NRXN1: variants seen among roughly 807,000 people sequenced by gnomAD.
NRXN1 encodes neurexin-1.
A neutral mutation model predicts 150.9 loss-of-function variants in NRXN1; 39 were observed. The observed-to-expected ratio is 0.26, with a 90% CI of 0.20 to 0.34. The LOEUF is 0.34. Among genes scored for constraint, NRXN1 ranks in the 10% least tolerant of loss-of-function variants. The pLI is 1.00. For missense variants in NRXN1, 1,815 were observed against 1,949.9 expected, an observed-to-expected ratio of 0.93 and a Z score of 1.30; for synonymous variants, 924 against 757.0, an observed-to-expected ratio of 1.22 and a Z score of -3.62.
chr2:50,361,834 G>A (rs569503402), intron 17 of NRXN1, among the ~76,000 whole-genome samples: 74 of 152,148 alleles, frequency 4.9e-4, no homozygotes, highest in African/African-American at 1.7e-3. Context: ...GATGAACATC[G>A]ATGCGAAAAT....
intron 8 of NRXN1, among the ~76,000 whole-genome samples, chr2:50,607,588 A>G (rs1677343810): frequency 6.6e-6 from 1 of 152,182 alleles, no homozygotes; most frequent in Non-Finnish European, 1.5e-5. Flanking sequence ...AATCTTATAT[A>G]AACCATGGCC....
At chr2:50,712,295 C>A (rs776277682) in intron 5 of NRXN1, among the ~76,000 whole-genome samples, 1 of 151,940 alleles carries the variant, frequency 6.6e-6, no homozygotes, top group African/African-American at 2.4e-5. Flanking sequence ...GCTGTATCTC[C>A]GTATATCAAA....
At chr2:50,559,432 C>T (rs757614059) in intron 8 of NRXN1, among the ~76,000 whole-genome samples, 5 of 152,156 alleles carry the variant, frequency 3.3e-5, no homozygotes, top group African/African-American at 7.2e-5. Flanking sequence ...TTTTTAGACA[C>T]GTGCTATGGT....
At chr2:50,840,543 C>A (rs899827351) in intron 5 of NRXN1, among the ~76,000 whole-genome samples, 1 of 152,022 alleles carries the variant, frequency 6.6e-6, no homozygotes, top group Admixed American at 6.6e-5. Context: ...TCTCGGCTTG[C>A]CTGACAGACC....
intron 5 of NRXN1, chr2:50,656,522 T>C (rs1164157236): frequency 1.7e-6 from 1 of 602,054 alleles, no homozygotes. Context: ...GGGAAGTTAA[T>C]TTATCCCCTA....
intron 5 of NRXN1, among the ~76,000 whole-genome samples, chr2:50,772,910 T>A (rs910927203): frequency 5.9e-5 from 9 of 152,082 alleles, no homozygotes; most frequent in African/African-American, 2.2e-4. Context: ...CTCAATGCCC[T>A]ACAAAGAGAA....
In NRXN1 at chr2:50,472,429, G is replaced by T; in HGVS notation, c.3113C>A (p.Ser1038Tyr). The T allele has an allele frequency of 2.5e-6, 4 of 1,612,134 alleles. No homozygotes were observed. The South Asian group carries it at 4.4e-5, about 18-fold the overall frequency. The change falls in exon 16 of 23, where the codon TCC becomes TAC. Residue 1038 changes from serine (S) to tyrosine (Y), a missense_variant. Around this residue, in one of 6 missense-constraint regions of NRXN1, gnomAD observed 339 missense variants for 440.3 expected, o/e 0.77. Transcript: ENST00000401669. Reference sequence around the variant, plus strand: ...TTTGGCATGTACAAGTTTTGGTAAGGATTTGTATGTTTCTTTAGCTACTCC... The same window carrying T: ...TTTGGCATGTACAAGTTTTGGTAAGTATTTGTATGTTTCTTTAGCTACTCC... ...IGGVAKETYK[S>Y]LPKLVHAKEG...
chr2:50,479,739 T>C (rs1162965040), intron 15 of NRXN1, among the ~76,000 whole-genome samples: 1 of 151,464 alleles, frequency 6.6e-6, no homozygotes, highest in East Asian at 1.9e-4. Flanking sequence ...TTGTGGAAAA[T>C]TTTTCATCTA....
At chr2:50,753,510 T>C (rs950812217) in intron 5 of NRXN1, among the ~76,000 whole-genome samples, 1 of 151,866 alleles carries the variant, frequency 6.6e-6, no homozygotes, top group Non-Finnish European at 1.5e-5. Context: ...ATTTTCAGTA[T>C]GGAGTCTGGC....
At chr2:50,041,106 C>T (rs1440481004) in intron 21 of NRXN1, among the ~76,000 whole-genome samples, 1 of 152,052 alleles carries the variant, frequency 6.6e-6, no homozygotes, top group Non-Finnish European at 1.5e-5. Flanking sequence ...TCAAATAAGC[C>T]ACATAGCAAG....
intron 17 of NRXN1, among the ~76,000 whole-genome samples, chr2:50,304,793 T>C (rs942258066): frequency 6.6e-6 from 1 of 152,076 alleles, no homozygotes; most frequent in Non-Finnish European, 1.5e-5. Context: ...CCTCCATTAA[T>C]ATAAAGGTAC....
intron 13 of NRXN1, 69 bp from the exon 14 acceptor site, chr2:50,497,783 A>G: frequency 2.1e-6 from 3 of 1,414,426 alleles, no homozygotes; most frequent in Non-Finnish European, 2.9e-6. Flanking sequence ...GGCTTTCATA[A>G]CAATATCACA....
chr2:50,271,111 TAGTAA>T (rs1335513100), intron 17 of NRXN1, among the ~76,000 whole-genome samples: 2 of 152,144 alleles, frequency 1.3e-5, no homozygotes, highest in African/African-American at 4.8e-5. Context: ...ATAAGTAATA[TAGTAA>T]AGTAGTGTGA....
chr2:49,996,715 G>A (rs1683063746), intron 21 of NRXN1, among the ~76,000 whole-genome samples: 1 of 152,154 alleles, frequency 6.6e-6, no homozygotes, highest in South Asian at 2.1e-4. Flanking sequence ...AAATGAAAAA[G>A]ACAAGGTAAC....
At chr2:50,124,491 C>T (rs1450721099) in intron 18 of NRXN1, among the ~76,000 whole-genome samples, 1 of 151,970 alleles carries the variant, frequency 6.6e-6, no homozygotes, top group Non-Finnish European at 1.5e-5. Flanking sequence ...AGAACCAGAC[C>T]AAAATAATAG....
At chr2:50,648,383 G>C (rs1685123058) in intron 5 of NRXN1, among the ~76,000 whole-genome samples, 1 of 151,948 alleles carries the variant, frequency 6.6e-6, no homozygotes, top group Non-Finnish European at 1.5e-5. Context: ...TTTTAGCCAG[G>C]CTGACAAAAT....
At chr2:50,022,742 T>C (rs1687754243) in intron 21 of NRXN1, 1 of 152,232 alleles carries the variant, frequency 6.6e-6, no homozygotes, top group Non-Finnish European at 1.5e-5. Flanking sequence ...AGAGATGTTT[T>C]GTATTTAGTT....
intron 8 of NRXN1, among the ~76,000 whole-genome samples, chr2:50,599,136 G>A (rs886716821): frequency 1.3e-5 from 2 of 152,106 alleles, no homozygotes; most frequent in African/African-American, 2.4e-5. Context: ...AACCGTATCT[G>A]TAGATACTTT....
At chr2:50,918,010 A>T (rs952795955) in intron 5 of NRXN1, 1 of 151,696 alleles carries the variant, frequency 6.6e-6, no homozygotes, top group African/African-American at 2.4e-5. Flanking sequence ...TTACTCATCA[A>T]TTAGTTCAGG....
Sources: gnomAD v4.1 joint callset for allele counts (sites outside exome capture counted in the v4.1 genomes callset) on GRCh38, gnomAD v4.1.1 for gene constraint, gnomAD v4.1.1 regional missense constraint, MANE v1.5 for transcripts, NCBI Gene and HGNC (gene_info 2026-07-23, HGNC 2026-07-21) for gene names.